The following AKAP6 variants were observed in gnomAD, a reference collection of about 807,000 sequenced individuals.
AKAP6 encodes the protein A-kinase anchoring protein 6, also known as A-kinase anchor protein 6.
In AKAP6, 58 loss-of-function variants were observed where a neutral mutation model predicts 188.5. The observed-to-expected ratio is 0.31, with a 90% confidence interval of 0.25 to 0.38. AKAP6 has a LOEUF of 0.38. AKAP6 is among the 10% of genes least tolerant of loss of function. The probability of loss-of-function intolerance (pLI) is 1.00; values close to 1 mark genes in which losing one functional copy is unlikely to be tolerated. For synonymous variants in AKAP6, 989 were observed against 998.6 expected (o/e 0.99, Z 0.18); for missense variants, 2,710 against 2,740.0 (o/e 0.99, Z 0.24).
chr14:32,779,954 G>T (rs1279451007), intron 12 of AKAP6, among the ~76,000 whole-genome samples: 1 of 151,642 alleles, frequency 6.6e-6, no homozygotes, highest in East Asian at 1.9e-4. Flanking sequence ...AAGCAGTATG[G>T]AGGTTCCTAA....
rs200445506 is a variant in AKAP6 at position 32,773,706 on chromosome 14, G to C, written c.3401G>C (p.Arg1134Pro). The C allele has an allele frequency of 6.2e-7, 1 of 1,614,072 alleles. No homozygotes were observed. The highest frequency in any genetic ancestry group is 1.7e-5 in the Admixed American group (1 of 60,002). ...KSLCREIKQR[R>P]RGVASILRLC... ...CTCTGTCGTGAAATCAAGCAACGAC[G>C]TCGAGGAGTTGCCTCCATTCTGCGA... The change falls in exon 12 of 14, where the codon CGT becomes CCT. Residue 1134 changes from arginine to proline, a missense_variant. By Grantham distance (103) the Arg-to-Pro change is moderately radical. This residue lies in a region of AKAP6 where 2,473 missense variants were observed against 2,426.1 expected (regional missense o/e 1.02). Transcript: ENST00000280979.
At chr14:32,719,162 CA>C (rs3837677) in intron 9 of AKAP6, among the ~76,000 whole-genome samples, 28,767 of 150,464 alleles carry the variant, frequency 0.19, 2,845 homozygotes, top group South Asian at 0.22. Flanking sequence ...AATACTCTGC[CA>C]AAAAAAAAGT....
chr14:32,635,867 G>A (rs767174246), intron 7 of AKAP6, among the ~76,000 whole-genome samples: 47 of 152,088 alleles, frequency 3.1e-4, no homozygotes, highest in Admixed American at 1.4e-3. Context: ...TTACTTCAAA[G>A]AATAGGATAT....
chr14:32,819,335 A>G (rs2034462834), intron 12 of AKAP6, among the ~76,000 whole-genome samples: 1 of 152,192 alleles, frequency 6.6e-6, no homozygotes, highest in Non-Finnish European at 1.5e-5. Context: ...GTACCCTTTA[A>G]CTATTAGTTT....
intron 1 of AKAP6, among the ~76,000 whole-genome samples, chr14:32,333,092 TC>T (rs1188368607): frequency 2.0e-5 from 3 of 152,136 alleles, no homozygotes; most frequent in Non-Finnish European, 4.4e-5. Flanking sequence ...TTTTCTAGGT[TC>T]CAGGAAGAAG....
chr14:32,603,739 G>A (rs1886024194), intron 7 of AKAP6, among the ~76,000 whole-genome samples: 1 of 151,988 alleles, frequency 6.6e-6, no homozygotes, highest in Non-Finnish European at 1.5e-5. Flanking sequence ...AAATAAGAAT[G>A]GTTTGATTAA....
chr14:32,594,618 C>T (rs1369677060), intron 5 of AKAP6, among the ~76,000 whole-genome samples: 1 of 152,152 alleles, frequency 6.6e-6, no homozygotes. Flanking sequence ...TCTTCTCCCC[C>T]AGGAGCCCCT....
intron 2 of AKAP6, among the ~76,000 whole-genome samples, chr14:32,476,828 A>G (rs1352392415): frequency 6.6e-6 from 1 of 152,226 alleles, no homozygotes; most frequent in Non-Finnish European, 1.5e-5. Context: ...CCCAGCCTCC[A>G]CAGTGGCTTA....
At chr14:32,640,875 CAAAG>C (rs1887725605) in intron 7 of AKAP6, among the ~76,000 whole-genome samples, 1 of 152,050 alleles carries the variant, frequency 6.6e-6, no homozygotes, top group South Asian at 2.1e-4. Flanking sequence ...AATGTACAAA[CAAAG>C]AAATATACAA....
chr14:32,699,707 T>C (rs1890548623), intron 9 of AKAP6, among the ~76,000 whole-genome samples: 1 of 152,228 alleles, frequency 6.6e-6, no homozygotes, highest in South Asian at 2.1e-4. Context: ...ATTGGCAATA[T>C]CGTCAGCCTA....
chr14:32,595,894 G>T (rs941176890), intron 5 of AKAP6, among the ~76,000 whole-genome samples: 1 of 151,992 alleles, frequency 6.6e-6, no homozygotes, highest in African/African-American at 2.4e-5. Context: ...GCTGTTTGAG[G>T]ATAAGGATTG....
Position 32,744,541 on chromosome 14 carries a change from C to T in AKAP6, c.3372+8659C>T, listed in dbSNP as rs140373917. Among the ~76,000 whole-genome samples the T allele has an allele frequency of 4.5e-3, 682 of 152,248 alleles. 3 individuals carry two copies. The highest frequency in any genetic ancestry group is 0.02 in the Middle Eastern group (6 of 294). ...CTGCACTAGCCAGGATGGTCTCGAT[C>T]TCCTGACCTCGTGATCTGCCCTCCT... On this transcript the variant is annotated intron_variant, in intron 11 of 13. Transcript: ENST00000280979.
intron 2 of AKAP6, among the ~76,000 whole-genome samples, chr14:32,497,022 C>T (rs570806500): frequency 5.9e-4 from 90 of 152,194 alleles, no homozygotes; most frequent in Admixed American, 9.8e-4. Flanking sequence ...GTGCTGCCTA[C>T]GGTGTTTTTG....
At chr14:32,618,615 G>C (rs1886685222) in intron 7 of AKAP6, among the ~76,000 whole-genome samples, 1 of 152,144 alleles carries the variant, frequency 6.6e-6, no homozygotes, top group Admixed American at 6.6e-5. Context: ...ACTTAGGTTG[G>C]TTCCATATCT....
intron 9 of AKAP6, among the ~76,000 whole-genome samples, chr14:32,717,608 T>TCACACACACA (rs57925449): frequency 4.7e-5 from 7 of 147,838 alleles, no homozygotes; most frequent in African/African-American, 1.7e-4. Flanking sequence ...TTGTCTCTTA[T>TCACACACACA]CACACACACA....
At chr14:32,525,066 A>C (rs992146973) in intron 2 of AKAP6, among the ~76,000 whole-genome samples, 2 of 152,236 alleles carry the variant, frequency 1.3e-5, no homozygotes, top group Non-Finnish European at 2.9e-5. Flanking sequence ...TATTCTGAAC[A>C]ATTTCCAGAA....
chr14:32,772,167 A>G (rs1400246178), intron 11 of AKAP6, among the ~76,000 whole-genome samples: 2 of 152,066 alleles, frequency 1.3e-5, no homozygotes, highest in Non-Finnish European at 2.9e-5. Flanking sequence ...AGAGATGGTA[A>G]CAATGCTGGT....
chr14:32,425,494 G>A (rs1481642678), intron 1 of AKAP6, among the ~76,000 whole-genome samples: 1 of 151,974 alleles, frequency 6.6e-6, no homozygotes, highest in Non-Finnish European at 1.5e-5. Flanking sequence ...AGAGGCTGAG[G>A]TGGGAGGATC....
chr14:32,350,385 G>A (rs748999019), intron 1 of AKAP6, among the ~76,000 whole-genome samples: 1 of 152,040 alleles, frequency 6.6e-6, no homozygotes, highest in Non-Finnish European at 1.5e-5. Flanking sequence ...ACCGAGACTG[G>A]GGACATTCTA....
Sources: gnomAD v4.1 joint callset for allele counts (sites outside exome capture counted in the v4.1 genomes callset) on GRCh38, gnomAD v4.1.1 for gene constraint, gnomAD v4.1.1 regional missense constraint, MANE v1.5 for transcripts, NCBI Gene and HGNC (gene_info 2026-07-23, HGNC 2026-07-21) for gene names.